Variants in SEC24B observed in about 807,000 individuals in gnomAD.
The protein encoded by SEC24B is SEC24 homolog B, COPII component, also known as protein transport protein Sec24B.
A neutral mutation model predicts 142.8 loss-of-function variants in SEC24B; 45 were observed. The observed-to-expected ratio is 0.32, with a 90% CI of 0.25 to 0.40. SEC24B has a LOEUF of 0.40. SEC24B is among the 10% of genes least tolerant of loss of function. The pLI is 1.00. For synonymous variants in SEC24B, 574 were observed against 568.2 expected, an observed-to-expected ratio of 1.01 and a Z score of -0.15; for missense variants, 1,409 against 1,526.8, an observed-to-expected ratio of 0.92 and a Z score of 1.29.
chr4:109,511,529 T>C (rs1737331733), intron 8 of SEC24B, among the ~76,000 whole-genome samples: 1 of 152,236 alleles, frequency 6.6e-6, no homozygotes, highest in Non-Finnish European at 1.5e-5. Flanking sequence ...TGTAATTTTT[T>C]TTAAAGGCAC....
chr4:109,438,498 G>A (rs991308261), intron 1 of SEC24B, among the ~76,000 whole-genome samples: 1 of 152,098 alleles, frequency 6.6e-6, no homozygotes, highest in East Asian at 1.9e-4. Context: ...AAAAAAATTT[G>A]TAGAGACTGA....
chr4:109,475,834 A>C (rs538343249), intron 3 of SEC24B, among the ~76,000 whole-genome samples: 1 of 152,252 alleles, frequency 6.6e-6, no homozygotes, highest in South Asian at 2.1e-4. Context: ...ATATGCTTAC[A>C]CTAGAAACTC....
At chr4:109,513,628 C>T (rs543014300) in intron 9 of SEC24B, 119 bp from the exon 10 acceptor site, 30 of 635,930 alleles carry the variant, frequency 4.7e-5, no homozygotes, top group South Asian at 3.0e-4. Context: ...ATTAAATGTT[C>T]GCAGAACTGT....
intron 2 of SEC24B, among the ~76,000 whole-genome samples, chr4:109,467,592 A>G (rs1035509213): frequency 6.6e-6 from 1 of 152,138 alleles, no homozygotes; most frequent in Non-Finnish European, 1.5e-5. Context: ...AAAGATGCCC[A>G]TTTTTGACAG....
chr4:109,490,520 AT>A (rs371481881), intron 4 of SEC24B, among the ~76,000 whole-genome samples: 1 of 152,170 alleles, frequency 6.6e-6, no homozygotes, highest in Non-Finnish European at 1.5e-5. Flanking sequence ...GATCATGCAG[AT>A]TTTTTATTTT....
At chr4:109,498,526 A>G (rs985000788) in intron 6 of SEC24B, among the ~76,000 whole-genome samples, 2 of 151,948 alleles carry the variant, frequency 1.3e-5, no homozygotes, top group Non-Finnish European at 2.9e-5. Context: ...CACCATGCCC[A>G]GCTAATTTTT....
chr4:109,527,557 G>C (rs1205706150), intron 18 of SEC24B, 125 bp downstream of exon 18: 5 of 647,146 alleles, frequency 7.7e-6, no homozygotes, highest in Non-Finnish European at 1.1e-5. Context: ...CGGACCACGA[G>C]GTCAGGAGTT....
chr4:109,508,053 A>G (rs1736906062), intron 7 of SEC24B, among the ~76,000 whole-genome samples: 1 of 152,208 alleles, frequency 6.6e-6, no homozygotes, highest in African/African-American at 2.4e-5. Flanking sequence ...TAAGAAGTGG[A>G]GCTGCTTTGA....
chr4:109,521,793 G>A (rs1287830016), intron 14 of SEC24B, among the ~76,000 whole-genome samples, 167 bp downstream of exon 14: 18 of 152,208 alleles, frequency 1.2e-4, no homozygotes, highest in South Asian at 4.1e-4. Flanking sequence ...GCGCAGTGGC[G>A]CGATCTTGTC....
intron 7 of SEC24B, 48 bp downstream of exon 7, chr4:109,506,560 G>A: frequency 8.1e-7 from 1 of 1,232,734 alleles, no homozygotes; most frequent in Non-Finnish European, 1.1e-6. Context: ...TGAAAACATT[G>A]TATGACTTTC....
At chr4:109,502,156 C>T (rs1489366114) in intron 6 of SEC24B, among the ~76,000 whole-genome samples, 1 of 152,102 alleles carries the variant, frequency 6.6e-6, no homozygotes, top group African/African-American at 2.4e-5. Context: ...TATGCAAAGA[C>T]TTAAGGCAGG....
Position 109,520,439 on chromosome 4 carries a change from G to C in SEC24B, c.2200G>C (p.Glu734Gln), listed in dbSNP as rs1723478377. 2.5e-6 allele frequency: 4 copies of C among 1,611,668 alleles called. No individual in the cohort carries two copies. In the East Asian group the frequency reaches 8.9e-5, roughly 36 times the overall value. ...CACTATTCATTTCTACAATTTACAA[G>C]AAGGATTATCACAGCCTCAAATGTT... Reference protein sequence around the residue: ...DSTIHFYNLQEGLSQPQMLIV... With the variant: ...DSTIHFYNLQQGLSQPQMLIV... The change falls in exon 12 of 24, where the codon GAA becomes CAA. Residue 734 changes from glutamate to glutamine, a missense_variant. By Grantham distance (29) the Glu-to-Gln change is conservative. Coordinates refer to ENST00000265175, the MANE Select transcript of SEC24B (RefSeq NM_006323.5).
chr4:109,531,554 A>G lies in SEC24B; in HGVS notation c.3390+32A>G, dbSNP rs114334708. On this transcript the variant is annotated intron_variant, in intron 20 of 23. Coordinates refer to ENST00000265175, the MANE Select transcript of SEC24B (RefSeq NM_006323.5). ...ATTTTAGTGCATTTGAAATGTTTAA[A>G]TTTGAATATATTTGAGTGTCTTGTT... The G allele has an allele frequency of 7.4e-4, 1,096 of 1,490,764 alleles. 10 individuals are homozygous for G. In the African/African-American group the frequency reaches 0.014, roughly 18 times the overall value. 92.3% of individuals were successfully genotyped at this position (1,490,764 alleles called of 1,614,324 possible).
At chr4:109,501,627 T>C (rs1235729851) in intron 6 of SEC24B, among the ~76,000 whole-genome samples, 1 of 152,186 alleles carries the variant, frequency 6.6e-6, no homozygotes, top group Admixed American at 6.5e-5. Context: ...TGTGCCACCA[T>C]GTCCACCTTA....
chr4:109,485,744 T>G (rs1248517023), intron 4 of SEC24B, among the ~76,000 whole-genome samples: 1 of 152,230 alleles, frequency 6.6e-6, no homozygotes, highest in Non-Finnish European at 1.5e-5. Context: ...AGAAAGTGGC[T>G]GAAATTGGTG....
At chr4:109,485,853 G>A (rs1487260183) in intron 4 of SEC24B, among the ~76,000 whole-genome samples, 1 of 152,100 alleles carries the variant, frequency 6.6e-6, no homozygotes, top group Admixed American at 6.5e-5. Flanking sequence ...TGAGATTTTT[G>A]TGTGTTTAGT....
chr4:109,537,246 G>A (rs1344912375), intron 22 of SEC24B, among the ~76,000 whole-genome samples: 1 of 152,084 alleles, frequency 6.6e-6, no homozygotes, highest in Non-Finnish European at 1.5e-5. Context: ...TTGATAATAG[G>A]CAATCATGTA....
At chr4:109,498,700 C>G (rs1037178466) in intron 6 of SEC24B, among the ~76,000 whole-genome samples, 5 of 152,108 alleles carry the variant, frequency 3.3e-5, no homozygotes, top group African/African-American at 1.2e-4. Context: ...GTAATAATAT[C>G]TTAGCTTAGC....
intron 6 of SEC24B, among the ~76,000 whole-genome samples, chr4:109,501,765 TC>T (rs1736176104): frequency 2.0e-5 from 3 of 152,304 alleles, no homozygotes; most frequent in South Asian, 2.1e-4. Context: ...AGCCACTGCA[TC>T]CGGCCAGCAT....
Sources: gnomAD v4.1 joint callset for allele counts (sites outside exome capture counted in the v4.1 genomes callset) on GRCh38, gnomAD v4.1.1 for gene constraint, MANE v1.5 for transcripts, NCBI Gene and HGNC (gene_info 2026-07-23, HGNC 2026-07-21) for gene names.